The following SULF2 variants were observed in gnomAD, a reference collection of about 807,000 sequenced individuals.
The protein encoded by SULF2 is sulfatase 2, also known as extracellular sulfatase Sulf-2.
In SULF2, 52 loss-of-function variants were observed where a neutral mutation model predicts 107.7. The observed-to-expected ratio is 0.48, with a 90% CI of 0.39 to 0.61. The LOEUF is 0.61. SULF2 is among the 20% of genes least tolerant of loss of function. The pLI is 0.00. For synonymous variants in SULF2, 460 were observed against 464.3 expected (o/e 0.99, Z 0.12); for missense variants, 993 against 1,177.3 (o/e 0.84, Z 2.29).
chr20:47,733,022 A>G (rs779966266), intron 3 of SULF2, among the ~76,000 whole-genome samples: 1 of 152,184 alleles, frequency 6.6e-6, no homozygotes, highest in Non-Finnish European at 1.5e-5. Flanking sequence ...TCTTTTGTCA[A>G]TCTCCACTGC....
At chr20:47,723,770 C>T (rs777227122) in intron 3 of SULF2, among the ~76,000 whole-genome samples, 4 of 152,260 alleles carry the variant, frequency 2.6e-5, no homozygotes, top group Middle Eastern at 6.8e-3. Flanking sequence ...AAAACAAGCT[C>T]GGGCTCCCAC....
intron 1 of SULF2, among the ~76,000 whole-genome samples, chr20:47,760,289 G>A (rs537130570): frequency 1.3e-5 from 2 of 152,254 alleles, no homozygotes; most frequent in East Asian, 3.9e-4. Flanking sequence ...CTGCTCTCTG[G>A]CTTCCGGCTG....
chr20:47,769,154 C>T (rs2090581492), intron 1 of SULF2, among the ~76,000 whole-genome samples: 1 of 152,082 alleles, frequency 6.6e-6, no homozygotes. Flanking sequence ...GATTCTCCTG[C>T]CTCCGCCTCC....
At chr20:47,746,694 A>C (rs1427138347) in intron 2 of SULF2, among the ~76,000 whole-genome samples, 1 of 152,162 alleles carries the variant, frequency 6.6e-6, no homozygotes, top group Admixed American at 6.5e-5. Context: ...AGGGACATGG[A>C]TGAAGCTCGA....
At chr20:47,707,459 G>A (rs1331849476) in intron 3 of SULF2, among the ~76,000 whole-genome samples, 3 of 152,182 alleles carry the variant, frequency 2.0e-5, no homozygotes, top group South Asian at 2.1e-4. Flanking sequence ...CTCACTGGGA[G>A]GTTGCCTCGA....
At chr20:47,739,203 T>G (rs1275195351) in intron 2 of SULF2, among the ~76,000 whole-genome samples, 2 of 152,196 alleles carry the variant, frequency 1.3e-5, no homozygotes, top group African/African-American at 4.8e-5. Flanking sequence ...GTTTGTGATC[T>G]GTTAGGACAG....
At chr20:47,755,953 C>A (rs2090272179) in intron 2 of SULF2, among the ~76,000 whole-genome samples, 1 of 151,886 alleles carries the variant, frequency 6.6e-6, no homozygotes, top group Non-Finnish European at 1.5e-5. Flanking sequence ...CCATTTCTAT[C>A]TCAGTATCTT....
intron 3 of SULF2, among the ~76,000 whole-genome samples, chr20:47,720,073 C>T (rs1050421911): frequency 2.0e-5 from 3 of 152,220 alleles, no homozygotes; most frequent in South Asian, 2.1e-4. Flanking sequence ...CTCAGCCTCC[C>T]GAGTAGCTCG....
intron 3 of SULF2, among the ~76,000 whole-genome samples, chr20:47,732,093 A>G (rs2089627351): frequency 6.6e-6 from 1 of 152,106 alleles, no homozygotes; most frequent in African/African-American, 2.4e-5. Flanking sequence ...AAGGGATCTC[A>G]CTATTTTGCC....
At chr20:47,696,652 A>G (rs1012488852) in intron 4 of SULF2, among the ~76,000 whole-genome samples, 2 of 152,210 alleles carry the variant, frequency 1.3e-5, no homozygotes, top group African/African-American at 4.8e-5. Flanking sequence ...TAATATACAC[A>G]GGGTGTAATG....
rs1268807701 is a variant in SULF2 at position 47,785,451 on chromosome 20, T to TGCTGCC, written c.-210_-209insGGCAGC. ...GGGGACTCCGCGCCGCCGCTGCCGCTGCCGCCGCCGCCGCCGCCGCTGCCG... is the reference window on the plus strand; with the variant it reads ...GGGGACTCCGCGCCGCCGCTGCCGCTGCTGCCGCCGCCGCCGCCGCCGCCGCTGCCG... On this transcript the variant is annotated 5_prime_UTR_variant, in exon 1 of 21. Transcript: ENST00000688720. 163 of 147,644 alleles carry TGCTGCC rather than the reference T, an allele frequency of 1.1e-3. No individual in the cohort carries two copies. Among genetic ancestry groups the TGCTGCC allele is most frequent in the African/African-American group, 4.0e-3 (139 of 34,812 alleles). The allele number at this position is 147,644 out of a possible 1,614,324, so 9.1% of individuals were successfully genotyped here. A position where few individuals can be genotyped will look rare whatever the true frequency, so the allele number is the denominator to read the frequency against.
Position 47,666,503 on chromosome 20 carries a change from G to C in SULF2, c.1577-15C>G, listed in dbSNP as rs898312777. 2.1e-5 allele frequency: 34 copies of C among 1,603,142 alleles called. No individual in the cohort carries two copies. The highest frequency in any genetic ancestry group is 2.9e-5 in the Non-Finnish European group (34 of 1,173,336). ...GGCCTTGTACTCTGTGGGCATTAGA[G>C]GAGTGGCAGAGTTAGGGAGGCAGGA... is the stretch of plus-strand genomic sequence containing the variant. On this transcript the variant is annotated splice_polypyrimidine_tract_variant and intron_variant, in intron 11 of 20. Transcript: ENST00000688720. This position sits in a 1 kb window ranked among gnomAD's most constrained non-coding sequence, Gnocchi z 5.4.
intron 2 of SULF2, among the ~76,000 whole-genome samples, chr20:47,739,158 T>C (rs2089817770): frequency 6.6e-6 from 1 of 152,186 alleles, no homozygotes; most frequent in Non-Finnish European, 1.5e-5. Flanking sequence ...CCAGAACTGT[T>C]GAGAGAGTAA....
In SULF2 at chr20:47,727,552, G is replaced by A. The variant is rs2089477229; in HGVS notation, c.415+9151C>T. ...GGGAAGTGGATACACCTGCTAAGGG[G>A]GTGGGACAGAGAGGGTGTCGCCTGG... is the stretch of plus-strand genomic sequence containing the variant. On this transcript the variant is annotated intron_variant, in intron 3 of 20. Transcript: ENST00000688720. Among the ~76,000 whole-genome samples, 3 of 152,312 alleles carry A rather than the reference G, an allele frequency of 2.0e-5. 1 individual carries two copies. The South Asian group carries it at 6.2e-4, about 32-fold the overall frequency.
At chr20:47,699,799 G>GA (rs368170827) in intron 4 of SULF2, among the ~76,000 whole-genome samples, 12 of 152,204 alleles carry the variant, frequency 7.9e-5, no homozygotes, top group African/African-American at 2.4e-4. Flanking sequence ...GGCTTCTGTT[G>GA]AAAAATCAGG....
At chr20:47,760,728 G>A (rs566247981) in intron 1 of SULF2, among the ~76,000 whole-genome samples, 2 of 152,198 alleles carry the variant, frequency 1.3e-5, no homozygotes, top group Non-Finnish European at 2.9e-5. Context: ...TCCTTCCCAG[G>A]TGGCTCTGAG....
intron 1 of SULF2, among the ~76,000 whole-genome samples, chr20:47,758,452 T>C (rs894130807): frequency 6.6e-6 from 1 of 152,170 alleles, no homozygotes; most frequent in Non-Finnish European, 1.5e-5. Context: ...GTTATAGGTG[T>C]GAGCCACTGT....
intron 3 of SULF2, among the ~76,000 whole-genome samples, chr20:47,730,204 A>G (rs1041352808): frequency 3.3e-5 from 5 of 152,128 alleles, no homozygotes; most frequent in Non-Finnish European, 5.9e-5. Context: ...GAGCCCTGGC[A>G]AGGCCTGGTC....
chr20:47,674,885 G>C (rs1188115908), intron 10 of SULF2, among the ~76,000 whole-genome samples: 1 of 152,162 alleles, frequency 6.6e-6, no homozygotes, highest in Non-Finnish European at 1.5e-5. Context: ...TGCCTGGGAT[G>C]GGGGGCAGAC....
Sources: gnomAD v4.1 joint callset for allele counts (sites outside exome capture counted in the v4.1 genomes callset) on GRCh38, gnomAD v4.1.1 for gene constraint, Gnocchi (gnomAD v3.1) non-coding constraint, MANE v1.5 for transcripts, NCBI Gene and HGNC (gene_info 2026-07-23, HGNC 2026-07-21) for gene names.